Variants in VTI1A observed in about 807,000 individuals in gnomAD.
VTI1A encodes the protein vesicle transport through interaction with t-SNAREs homolog 1A.
A neutral mutation model predicts 34.9 loss-of-function variants in VTI1A; 22 were observed. The observed-to-expected ratio is 0.63, with a 90% CI of 0.45 to 0.90. VTI1A has a LOEUF of 0.90. Ranked by LOEUF, VTI1A falls within the 40% of genes least tolerant of loss-of-function variation. The probability of loss-of-function intolerance (pLI) is 0.00; values close to 1 mark genes in which losing one functional copy is unlikely to be tolerated. For missense variants in VTI1A, 268 were observed against 275.6 expected, an observed-to-expected ratio of 0.97 and a Z score of 0.20; for synonymous variants, 87 against 97.3, an observed-to-expected ratio of 0.89 and a Z score of 0.62.
At chr10:112,567,846 T>C (rs1366422078) in intron 5 of VTI1A, among the ~76,000 whole-genome samples, 5 of 152,324 alleles carry the variant, frequency 3.3e-5, no homozygotes, top group Admixed American at 3.3e-4. Flanking sequence ...GACCTTAGAT[T>C]ATTTGGATCT....
chr10:112,550,921 A>G (rs964733085), intron 5 of VTI1A, among the ~76,000 whole-genome samples: 7 of 152,304 alleles, frequency 4.6e-5, no homozygotes, highest in African/African-American at 1.7e-4. Flanking sequence ...CCTGGTCTAC[A>G]TGAAAAGGTT....
downstream of VTI1A, among the ~76,000 whole-genome samples, chr10:112,821,990 T>A (rs1853663185): frequency 6.6e-6 from 1 of 152,194 alleles, no homozygotes; most frequent in African/African-American, 2.4e-5. Flanking sequence ...GTTTCTGCCC[T>A]GGAACACTGG....
chr10:112,591,515 G>T (rs59994304), intron 5 of VTI1A, among the ~76,000 whole-genome samples: 1 of 85,036 alleles, frequency 1.2e-5, no homozygotes, highest in African/African-American at 4.6e-5. Flanking sequence ...GTGAGACTCC[G>T]TCTCACACAC....
At chr10:112,662,882 C>T (rs561836289) in intron 5 of VTI1A, among the ~76,000 whole-genome samples, 53 of 152,054 alleles carry the variant, frequency 3.5e-4, no homozygotes, top group African/African-American at 1.2e-3. Context: ...TGGATTCATC[C>T]GTGATTAGTG....
intron 5 of VTI1A, among the ~76,000 whole-genome samples, chr10:112,549,625 C>A (rs1053395644): frequency 2.6e-5 from 4 of 152,088 alleles, no homozygotes; most frequent in Non-Finnish European, 4.4e-5. Flanking sequence ...AAATATTAAA[C>A]TTTTTGACAG....
intron 3 of VTI1A, among the ~76,000 whole-genome samples, chr10:112,477,444 T>G (rs1248120160): frequency 6.6e-6 from 1 of 152,230 alleles, no homozygotes; most frequent in Admixed American, 6.5e-5. Flanking sequence ...CAGGTCAAGC[T>G]CCATCAAAGA....
chr10:112,531,478 C>CA (rs1407152404), intron 4 of VTI1A, among the ~76,000 whole-genome samples: 1,209 of 38,104 alleles, frequency 0.032, 19 homozygotes, highest in African/African-American at 0.11. Flanking sequence ...CCGGCCTAAG[C>CA]AAAGAAAAAA....
intron 5 of VTI1A, among the ~76,000 whole-genome samples, chr10:112,642,464 T>A (rs1247810573): frequency 6.6e-6 from 1 of 152,192 alleles, no homozygotes; most frequent in Non-Finnish European, 1.5e-5. Context: ...TGGTTCAAAA[T>A]TATAGTAACA....
chr10:112,500,351 C>T (rs913256494), intron 3 of VTI1A, among the ~76,000 whole-genome samples: 1 of 151,890 alleles, frequency 6.6e-6, no homozygotes, highest in African/African-American at 2.4e-5. Context: ...AGGAGAATTG[C>T]TTGAACCCAG....
chr10:112,578,597 A>G (rs1434352286), intron 5 of VTI1A, among the ~76,000 whole-genome samples: 4 of 152,224 alleles, frequency 2.6e-5, no homozygotes, highest in Admixed American at 1.3e-4. Context: ...TTAAATCTAT[A>G]TATTTCAAAC....
chr10:112,805,527 G>A (rs1379825959), intron 7 of VTI1A, among the ~76,000 whole-genome samples: 2 of 152,200 alleles, frequency 1.3e-5, no homozygotes, highest in African/African-American at 4.8e-5. Flanking sequence ...TAATTTATAT[G>A]TCGAAGTACT....
At chr10:112,623,214 G>T (rs1020010803) in intron 5 of VTI1A, among the ~76,000 whole-genome samples, 1 of 152,016 alleles carries the variant, frequency 6.6e-6, no homozygotes, top group African/African-American at 2.4e-5. Context: ...CTCTGTTTTG[G>T]GGTAACACTT....
chr10:112,525,232 C>T (rs1210696727), intron 3 of VTI1A, among the ~76,000 whole-genome samples: 1 of 152,140 alleles, frequency 6.6e-6, no homozygotes, highest in Non-Finnish European at 1.5e-5. Flanking sequence ...TTACTCTGTC[C>T]TCCTCTCTGC....
chr10:112,739,107 A>G (rs1014557624), intron 7 of VTI1A, among the ~76,000 whole-genome samples: 1 of 152,114 alleles, frequency 6.6e-6, no homozygotes, highest in Non-Finnish European at 1.5e-5. Context: ...ATGCTTGCAC[A>G]TTGGCATGCT....
intron 5 of VTI1A, among the ~76,000 whole-genome samples, chr10:112,557,426 G>C (rs191487824): frequency 6.6e-6 from 1 of 152,230 alleles, no homozygotes; most frequent in Non-Finnish European, 1.5e-5. Context: ...GAGTGATAAG[G>C]CTGGAGTGGA....
intron 5 of VTI1A, among the ~76,000 whole-genome samples, chr10:112,564,098 C>A (rs1589909490): frequency 6.7e-6 from 1 of 148,254 alleles, no homozygotes; most frequent in Non-Finnish European, 1.5e-5. Context: ...GGAAAAATTT[C>A]AATTTCACCC....
chr10:112,655,600 C>CA (rs1457324108), intron 5 of VTI1A, among the ~76,000 whole-genome samples: 1 of 151,916 alleles, frequency 6.6e-6, no homozygotes, highest in Non-Finnish European at 1.5e-5. Context: ...TTGAATAAGA[C>CA]AAGCTAAGAA....
intron 5 of VTI1A, among the ~76,000 whole-genome samples, chr10:112,576,122 G>C (rs1469575862): frequency 6.7e-6 from 1 of 149,720 alleles, no homozygotes; most frequent in East Asian, 2.0e-4. Context: ...CCGGGTTCAC[G>C]CCGTTCTCCT....
At chr10:112,798,063 A>AGGG (rs1449517750) in intron 7 of VTI1A, among the ~76,000 whole-genome samples, 2 of 152,158 alleles carry the variant, frequency 1.3e-5, no homozygotes, top group Non-Finnish European at 2.9e-5. Flanking sequence ...ACCAGGCTCC[A>AGGG]AAGCTTCCTT....
Sources: gnomAD v4.1 joint callset for allele counts (sites outside exome capture counted in the v4.1 genomes callset) on GRCh38, gnomAD v4.1.1 for gene constraint, MANE v1.5 for transcripts, NCBI Gene and HGNC (gene_info 2026-07-23, HGNC 2026-07-21) for gene names.